COL9A1: variants seen among roughly 807,000 people sequenced by gnomAD.
COL9A1 encodes collagen type IX alpha 1 chain.
A neutral mutation model predicts 142.6 loss-of-function variants in COL9A1; 104 were observed. That is an observed-to-expected ratio of 0.73 (90% confidence interval 0.62 to 0.86). The LOEUF (loss-of-function observed/expected upper bound fraction) is 0.86. Among genes scored for constraint, COL9A1 ranks in the 40% least tolerant of loss-of-function variants. COL9A1 has a pLI of 0.00. For synonymous variants in COL9A1, 466 were observed against 396.0 expected (o/e 1.18, Z -2.10); for missense variants, 1,210 against 1,176.6 (o/e 1.03, Z -0.42).
intron 5 of COL9A1, among the ~76,000 whole-genome samples, chr6:70,284,651 C>CA (rs1246503203): frequency 4.0e-5 from 6 of 151,350 alleles, no homozygotes; most frequent in African/African-American, 7.3e-5. Flanking sequence ...GGTGACAAGG[C>CA]AAAAAAAATT....
chr6:70,231,183 T>C (rs572148374), intron 36 of COL9A1, among the ~76,000 whole-genome samples: 1 of 152,308 alleles, frequency 6.6e-6, no homozygotes, highest in South Asian at 2.1e-4. Flanking sequence ...CTCCGGGGAC[T>C]GCTCTCTCAG....
intron 4 of COL9A1, among the ~76,000 whole-genome samples, chr6:70,297,635 A>C (rs1016109857): frequency 1.3e-5 from 2 of 152,174 alleles, no homozygotes; most frequent in African/African-American, 4.8e-5. Flanking sequence ...AGCTGTATCT[A>C]TAAATGATTT....
chr6:70,229,637 C>G (rs1769429165), intron 36 of COL9A1, among the ~76,000 whole-genome samples: 1 of 152,074 alleles, frequency 6.6e-6, no homozygotes, highest in South Asian at 2.1e-4. Context: ...AAATATACAG[C>G]CTTACTCAAA....
At chr6:70,256,935 T>G in intron 20 of COL9A1, 114 bp from the exon 21 acceptor site, 1 of 910,668 alleles carries the variant, frequency 1.1e-6, no homozygotes, top group South Asian at 1.4e-5. Context: ...TTTGTGCCTG[T>G]AATACACACA....
intron 36 of COL9A1, among the ~76,000 whole-genome samples, chr6:70,230,142 T>C (rs914293215): frequency 6.6e-6 from 1 of 152,178 alleles, no homozygotes; most frequent in African/African-American, 2.4e-5. Flanking sequence ...AAGTTTCAAA[T>C]TGGTGGAATG....
intron 21 of COL9A1, among the ~76,000 whole-genome samples, chr6:70,256,207 T>C (rs1330361067): frequency 6.6e-6 from 1 of 152,226 alleles, no homozygotes; most frequent in Non-Finnish European, 1.5e-5. Flanking sequence ...TCTTGTATAG[T>C]TTATCATTGA....
intron 15 of COL9A1, among the ~76,000 whole-genome samples, chr6:70,269,971 C>A (rs1384054654): frequency 6.6e-6 from 1 of 152,086 alleles, no homozygotes; most frequent in African/African-American, 2.4e-5. Context: ...AACTCATATT[C>A]TTTAAATTTT....
At position 70,302,038 on chromosome 6, in the gene COL9A1, C is replaced by T. The variant is rs1411838642; in HGVS notation, c.51G>A (p.Leu17=). The change falls in exon 2 of 38, where the codon CTG becomes CTA. Residue 17 remains leucine, a synonymous_variant. Coordinates refer to ENST00000357250, the MANE Select transcript of COL9A1 (RefSeq NM_001851.6). ...IPVFFFVCSF[L]EPWASAAVKR... The stretch of plus-strand genomic sequence containing the variant: ...TGACAGCTGCAGATGCCCAGGGTTC[C>T]AGGAAACTGCACACAAAGAAGAAAA... 1 of 1,611,876 alleles carries T rather than the reference C, an allele frequency of 6.2e-7. No homozygotes were observed. The highest frequency in any genetic ancestry group is 8.5e-7 in the Non-Finnish European group (1 of 1,179,196).
intron 36 of COL9A1, among the ~76,000 whole-genome samples, chr6:70,231,667 GACCATTCAT>G (rs781593537): frequency 9.9e-5 from 15 of 150,788 alleles, no homozygotes; most frequent in Admixed American, 2.0e-4. Flanking sequence ...CTTGCCATCT[GACCATTCAT>G]ACCACAGTAT....
Position 70,260,682 on chromosome 6 carries a change from C to T in COL9A1, c.1424G>A (p.Gly475Asp), listed in dbSNP as rs367642553. 22 of 1,613,736 alleles carry T rather than the reference C, an allele frequency of 1.4e-5. No homozygotes were observed. The change falls in exon 20 of 38, where the codon GGC becomes GAC. Residue 475 changes from glycine (G) to aspartate (D), a missense_variant. Physicochemically the swap from Gly to Asp is moderately conservative, Grantham distance 94 (BLOSUM62 -1). Coordinates refer to ENST00000357250, the MANE Select transcript of COL9A1 (RefSeq NM_001851.6). ...TTTTTCCCCTTTGTCCCCAACTATGCCGGTGATGCCTCGCAAACCCTGGGC... is the reference window on the plus strand; with the variant it reads ...TTTTTCCCCTTTGTCCCCAACTATGTCGGTGATGCCTCGCAAACCCTGGGC... ...PGAQGLRGIT[G>D]IVGDKGEKGA...
At chr6:70,298,059 C>T (rs185459971) in intron 4 of COL9A1, among the ~76,000 whole-genome samples, 3 of 152,308 alleles carry the variant, frequency 2.0e-5, no homozygotes, top group Admixed American at 1.3e-4. Flanking sequence ...GTCTACACCT[C>T]GTATGGCCGA....
At chr6:70,297,914 AGG>A in intron 4 of COL9A1, among the ~76,000 whole-genome samples, 1 of 152,326 alleles carries the variant, frequency 6.6e-6, no homozygotes, top group Non-Finnish European at 1.5e-5. Flanking sequence ...AAGATAAATA[AGG>A]ATAAACTGTG....
At position 70,220,392 on chromosome 6, in the gene COL9A1, GTGT is replaced by G. The variant is rs1562283743; in HGVS notation, c.2582-3314_2582-3312del. Among the ~76,000 whole-genome samples, 7 of 3,028 alleles carry G rather than the reference GTGT, an allele frequency of 2.3e-3. No individual in the cohort carries two copies. In the East Asian group the frequency reaches 0.024, roughly 10 times the overall value. The allele number at this position is 3,028 out of a possible 152,430, so 2.0% of individuals were successfully genotyped here. A position where few individuals can be genotyped will look rare whatever the true frequency, so the allele number is the denominator to read the frequency against. ...AGGGTGTGGAGGGGTGTGGCAGGGT[GTGT>G]GTGTGTGTGTGTGTGTGTGTGTGGT... is the stretch of plus-strand genomic sequence containing the variant. On this transcript the variant is annotated intron_variant, in intron 37 of 37. Transcript: ENST00000357250.
In COL9A1 at chr6:70,248,942, C is replaced by T. The variant is rs73747129; in HGVS notation, c.1872+3178G>A. Among the ~76,000 whole-genome samples the T allele has an allele frequency of 3.0e-3, 462 of 152,126 alleles. 4 individuals carry two copies. Among genetic ancestry groups the T allele is most frequent in the African/African-American group, 0.011 (449 of 41,484 alleles). ...ATGTTTTCATGATGCAATTAACATT[C>T]CAATTACATCTGAGATGGCTTATGG... On this transcript the variant is annotated intron_variant, in intron 28 of 37. Transcript: ENST00000357250.
chr6:70,256,732 T>C, intron 21 of COL9A1, 36 bp downstream of exon 21: 1 of 1,545,694 alleles, frequency 6.5e-7, no homozygotes, highest in Non-Finnish European at 8.9e-7. Context: ...AAAAAAAAAA[T>C]CTATCATTGG....
chr6:70,216,994 C>G lies in COL9A1; in HGVS notation c.2669G>C (p.Gly890Ala). ...PGVAGIPGVP[G>A]PPGPPGLPGF... is the part of the protein sequence containing the mutation. ...GGGAAGCCCAGGAGGTCCCGGGGGT[C>G]CAGGCACTCCAGGAATTCCTGCCAC... The change falls in exon 38 of 38, where the codon GGA becomes GCA. Residue 890 changes from glycine (G) to alanine (A), a missense_variant. Gly to Ala is a moderately conservative substitution (Grantham distance 60). Transcript: ENST00000357250. 6 of 1,614,076 alleles carry G rather than the reference C, an allele frequency of 3.7e-6. No homozygotes were observed. The highest frequency in any genetic ancestry group is 5.1e-6 in the Non-Finnish European group (6 of 1,179,998).
Position 70,232,664 on chromosome 6 carries a change from C to G in COL9A1, c.2422G>C (p.Gly808Arg). The change falls in exon 36 of 38, where the codon GGT becomes CGT. Residue 808 changes from glycine (G) to arginine (R), a missense_variant. Physicochemically the swap from Gly to Arg is moderately radical, Grantham distance 125. Coordinates refer to ENST00000357250, the MANE Select transcript of COL9A1 (RefSeq NM_001851.6). ...PGPPGPPGEN[G>R]FPGQMGIRGL... is the part of the protein sequence containing the mutation. ...CGAATTCCCATCTGGCCTGGGAAAC[C>G]ATTCTCTCCAGGAGGGCCGGGGGGA... 1 of 1,614,070 alleles carries G rather than the reference C, an allele frequency of 6.2e-7. No individual in the cohort carries two copies. The highest frequency in any genetic ancestry group is 2.2e-5 in the East Asian group (1 of 44,882).
intron 10 of COL9A1, among the ~76,000 whole-genome samples, chr6:70,277,649 A>T (rs1211116885): frequency 6.6e-6 from 1 of 152,226 alleles, no homozygotes; most frequent in Non-Finnish European, 1.5e-5. Context: ...CTGACAGCTC[A>T]GCTGGTAGGA....
chr6:70,255,609 T>A (rs560525211), intron 21 of COL9A1, among the ~76,000 whole-genome samples: 2 of 152,322 alleles, frequency 1.3e-5, no homozygotes, highest in Non-Finnish European at 1.5e-5. Context: ...TGGTCTTTTG[T>A]TTTCCCCTTA....
Sources: allele counts gnomAD v4.1 joint callset (sites outside exome capture counted in the v4.1 genomes callset), GRCh38; gene constraint gnomAD v4.1.1; transcripts MANE v1.5; gene names NCBI Gene and HGNC (gene_info 2026-07-23, HGNC 2026-07-21).